Variants in COP1 observed in about 807,000 individuals in gnomAD.
The protein encoded by COP1 is COP1 E3 ubiquitin ligase, also known as E3 ubiquitin-protein ligase COP1.
A neutral mutation model predicts 101.3 loss-of-function variants in COP1; 24 were observed. That is an observed-to-expected ratio of 0.24 (90% CI 0.17 to 0.33). COP1 has a LOEUF of 0.33. Ranked by LOEUF, COP1 falls within the 10% of genes least tolerant of loss-of-function variation. COP1 has a pLI of 1.00. For missense variants in COP1, 663 were observed against 906.2 expected (o/e 0.73, Z 3.45); for synonymous variants, 347 against 341.9 (o/e 1.01, Z -0.17).
intron 18 of COP1, among the ~76,000 whole-genome samples, chr1:175,953,776 A>C (rs956811252): frequency 3.9e-5 from 6 of 151,960 alleles, no homozygotes; most frequent in African/African-American, 9.7e-5. Context: ...AAAAAAAAAA[A>C]AAACTCCTAT....
chr1:176,135,065 G>T lies in COP1; in HGVS notation c.913C>A (p.Pro305Thr), dbSNP rs766705212. 6.2e-7 allele frequency: 1 copy of T among 1,608,024 alleles called. No homozygotes were observed. Among genetic ancestry groups the T allele is most frequent in the Non-Finnish European group, 8.5e-7 (1 of 1,175,156 alleles). Reference protein sequence around the residue: ...RVEEMSGLYSPVSEDSTVPQF... With the variant: ...RVEEMSGLYSTVSEDSTVPQF... Reference sequence around the variant, plus strand: ...GGCACTGTGCTATCCTCACTGACAGGAGAGTATAAGCCACTCATTTCCTGA... The same window carrying T: ...GGCACTGTGCTATCCTCACTGACAGTAGAGTATAAGCCACTCATTTCCTGA... Residue 305 changes from proline to threonine, a missense_variant, in exon 8 of 20, where the codon CCT becomes ACT. Around this residue, in one of 4 missense-constraint regions of COP1, gnomAD observed 212 missense variants for 240.7 expected, o/e 0.88. Coordinates refer to ENST00000367669, the MANE Select transcript of COP1 (RefSeq NM_022457.7).
At chr1:176,204,451 G>T (rs962192167) in intron 1 of COP1, among the ~76,000 whole-genome samples, 2 of 151,622 alleles carry the variant, frequency 1.3e-5, no homozygotes, top group Non-Finnish European at 2.9e-5. Flanking sequence ...CCAAACGGGG[G>T]GAAAAAAAAA....
At position 176,021,307 on chromosome 1, in the gene COP1, T is replaced by TA. The variant is rs1297454413; in HGVS notation, c.1729+6264dup. On this transcript the variant is annotated intron_variant, in intron 15 of 19. Coordinates refer to ENST00000367669, the MANE Select transcript of COP1 (RefSeq NM_022457.7). ...ATGCCCACACCAGAAGTAAAAGCAT[T>TA]AAAAAACACACTCAAAAAGTAGTAC... is the stretch of plus-strand genomic sequence containing the variant. 2.0e-5 allele frequency among the ~76,000 whole-genome samples: 3 copies of TA among 152,146 alleles called. 1 individual carries two copies. Among genetic ancestry groups the TA allele is most frequent in the Middle Eastern group, 6.3e-3 (2 of 316 alleles).
intron 1 of COP1, among the ~76,000 whole-genome samples, chr1:176,196,564 A>G (rs1182597742): frequency 1.2e-4 from 19 of 152,196 alleles, no homozygotes; most frequent in Admixed American, 8.5e-4. Flanking sequence ...AGTGTCTATT[A>G]AAGAAATTGA....
At chr1:176,129,653 G>A (rs750139136) in intron 8 of COP1, among the ~76,000 whole-genome samples, 1 of 151,820 alleles carries the variant, frequency 6.6e-6, no homozygotes, top group African/African-American at 2.4e-5. Flanking sequence ...GAAGGAGATA[G>A]AGAAGCTTCA....
chr1:176,043,970 G>T (rs1017161735), intron 12 of COP1, 152 bp from the exon 13 acceptor site: 1 of 559,228 alleles, frequency 1.8e-6, no homozygotes, highest in Non-Finnish European at 3.2e-6. Context: ...CCTGGGAAAA[G>T]ACATACCAAT....
chr1:176,017,068 T>TA (rs1182727276), intron 15 of COP1, among the ~76,000 whole-genome samples: 37 of 152,208 alleles, frequency 2.4e-4, no homozygotes, highest in Admixed American at 1.9e-3. Context: ...CCACCATTGA[T>TA]AAGGCAATCA....
At chr1:176,180,146 T>C (rs932036709) in intron 2 of COP1, among the ~76,000 whole-genome samples, 43 of 152,298 alleles carry the variant, frequency 2.8e-4, no homozygotes, top group South Asian at 1.9e-3. Context: ...CCTTCTTCTA[T>C]TTGGTCATTA....
intron 18 of COP1, among the ~76,000 whole-genome samples, chr1:175,961,022 C>T (rs1357834206): frequency 1.3e-5 from 2 of 152,160 alleles, no homozygotes; most frequent in Non-Finnish European, 2.9e-5. Flanking sequence ...CTTCCTCTCT[C>T]CTGGAGCTGG....
At chr1:176,112,387 T>C (rs1228915256) in intron 9 of COP1, among the ~76,000 whole-genome samples, 1 of 152,204 alleles carries the variant, frequency 6.6e-6, no homozygotes, top group African/African-American at 2.4e-5. Flanking sequence ...TATATATACA[T>C]GTGCCATGTT....
At chr1:176,080,604 T>C (rs1237654199) in intron 11 of COP1, among the ~76,000 whole-genome samples, 9 of 152,096 alleles carry the variant, frequency 5.9e-5, no homozygotes, top group Admixed American at 2.6e-4. Flanking sequence ...TCCAAAGATA[T>C]TAAGAGAATA....
chr1:176,052,644 A>C (rs917317600), intron 11 of COP1, among the ~76,000 whole-genome samples: 1 of 152,178 alleles, frequency 6.6e-6, no homozygotes, highest in African/African-American at 2.4e-5. Flanking sequence ...GCAATGGTTC[A>C]AAAAGTATAC....
At chr1:176,110,306 A>G (rs1407540480) in intron 9 of COP1, among the ~76,000 whole-genome samples, 4 of 152,242 alleles carry the variant, frequency 2.6e-5, no homozygotes, top group Non-Finnish European at 5.9e-5. Context: ...AGAAAGCCAT[A>G]CATGAAATGT....
chr1:176,117,712 T>C (rs369745138), intron 8 of COP1, among the ~76,000 whole-genome samples: 200 of 152,252 alleles, frequency 1.3e-3, no homozygotes, highest in African/African-American at 4.6e-3. Context: ...CTGACCAACA[T>C]GGTGAAACCC....
chr1:176,033,760 T>C (rs1318646326), intron 14 of COP1, among the ~76,000 whole-genome samples: 2 of 152,036 alleles, frequency 1.3e-5, no homozygotes, highest in Non-Finnish European at 2.9e-5. Context: ...GTAGGAAAAA[T>C]ATTCATATGA....
intron 5 of COP1, 96 bp downstream of exon 5, chr1:176,162,773 A>G (rs1694532012): frequency 2.0e-6 from 2 of 1,002,806 alleles, no homozygotes; most frequent in Admixed American, 5.4e-5. Flanking sequence ...TGAATGGATT[A>G]GTGAAGCTAT....
chr1:176,016,506 A>C (rs1280474417), intron 15 of COP1, among the ~76,000 whole-genome samples: 6 of 152,196 alleles, frequency 3.9e-5, no homozygotes, highest in Non-Finnish European at 7.3e-5. Context: ...AGCAGAAACC[A>C]GACTTCAGAG....
intron 15 of COP1, among the ~76,000 whole-genome samples, chr1:176,023,950 G>T (rs532797047): frequency 6.6e-6 from 1 of 152,068 alleles, no homozygotes; most frequent in East Asian, 1.9e-4. Flanking sequence ...GTCAAAGACA[G>T]AAAATATCAT....
chr1:176,050,185 A>G (rs1394254391), intron 11 of COP1, among the ~76,000 whole-genome samples: 1 of 152,216 alleles, frequency 6.6e-6, no homozygotes, highest in Non-Finnish European at 1.5e-5. Flanking sequence ...CAACTGTTAA[A>G]AGAGTGATTT....
Sources: allele counts gnomAD v4.1 joint callset (sites outside exome capture counted in the v4.1 genomes callset), GRCh38; gene constraint gnomAD v4.1.1; regional missense constraint gnomAD v4.1.1; transcripts MANE v1.5; gene names NCBI Gene and HGNC (gene_info 2026-07-23, HGNC 2026-07-21).